ABHD2: variants seen among roughly 807,000 people sequenced by gnomAD.
ABHD2 encodes abhydrolase domain containing 2, acylglycerol lipase.
Under a neutral mutation model 48.1 loss-of-function variants are expected in ABHD2, and 20 were observed. That is an observed-to-expected ratio of 0.42 (90% CI 0.29 to 0.60). The LOEUF is 0.60. Ranked by LOEUF, ABHD2 falls within the 20% of genes least tolerant of loss-of-function variation. ABHD2 has a pLI of 0.24. For synonymous variants in ABHD2, 209 were observed against 214.2 expected, an observed-to-expected ratio of 0.98 and a Z score of 0.21; for missense variants, 405 against 550.9, an observed-to-expected ratio of 0.74 and a Z score of 2.65.
chr15:89,047,589 G>C, the ABHD2 span, among the ~76,000 whole-genome samples: 1 of 148,568 alleles, frequency 6.7e-6, no homozygotes, highest in African/African-American at 2.5e-5. Flanking sequence ...TCCTGTATTG[G>C]GTGCATATAT....
chr15:89,135,747 G>C (rs2050299329), intron 3 of ABHD2: 2 of 1,035,054 alleles, frequency 1.9e-6, no homozygotes, highest in Admixed American at 1.7e-5. Context: ...TTATAAGGCT[G>C]CCTGTCATCT....
At chr15:89,152,379 G>A (rs767379005) in intron 4 of ABHD2, among the ~76,000 whole-genome samples, 3 of 152,228 alleles carry the variant, frequency 2.0e-5, no homozygotes, top group Middle Eastern at 3.4e-3. Context: ...GCCCCCAGCC[G>A]TAGAATAGGT....
At chr15:89,050,079 A>G in the ABHD2 span, among the ~76,000 whole-genome samples, 1 of 152,222 alleles carries the variant, frequency 6.6e-6, no homozygotes, top group African/African-American at 2.4e-5. Context: ...AGAATTTCAT[A>G]GAGAAGACAA....
the ABHD2 span, among the ~76,000 whole-genome samples, chr15:89,074,708 C>G: frequency 0.13 from 20,130 of 152,190 alleles, 1,489 homozygotes; most frequent in South Asian, 0.26. Context: ...ATGAGGTTCA[C>G]CTGTCTCCAA....
chr15:89,143,122 A>G (rs2050431827), intron 3 of ABHD2, among the ~76,000 whole-genome samples: 1 of 152,186 alleles, frequency 6.6e-6, no homozygotes, highest in Admixed American at 6.5e-5. Context: ...TATTATGACC[A>G]TAGCTTCTGC....
chr15:89,192,413 G>C (rs899230184), intron 9 of ABHD2, among the ~76,000 whole-genome samples: 2 of 152,076 alleles, frequency 1.3e-5, no homozygotes, highest in East Asian at 1.9e-4. Flanking sequence ...GCTATTGGCT[G>C]TTTTAGTAAA....
rs2051180339 is a variant in ABHD2 at position 89,184,919 on chromosome 15, A to G, written c.723-505A>G. ...TGGTATAAGGCTAATCAAAAGATAG[A>G]TGTATTTGGAGGAGATCCCAGTTAA... On this transcript the variant is annotated intron_variant, in intron 6 of 10. Transcript: ENST00000352732. The surrounding 1 kb of genome is among the most constrained non-coding windows in gnomAD (Gnocchi z 5.1). Among the ~76,000 whole-genome samples, 1 of 152,180 alleles carries G rather than the reference A, an allele frequency of 6.6e-6. No individual in the cohort carries two copies. The highest frequency in any genetic ancestry group is 6.5e-5 in the Admixed American group (1 of 15,276).
At chr15:89,109,989 TATA>T (rs1233170288) in intron 1 of ABHD2, among the ~76,000 whole-genome samples, 2 of 152,384 alleles carry the variant, frequency 1.3e-5, no homozygotes, top group East Asian at 1.9e-4. Context: ...CTAGATTACT[TATA>T]ATACCTATTA....
Position 89,196,708 on chromosome 15 carries a change from G to A in ABHD2, c.*1285G>A, listed in dbSNP as rs1266508665. On this transcript the variant is annotated 3_prime_UTR_variant, in exon 11 of 11. Transcript: ENST00000352732. Reference sequence around the variant, plus strand: ...CAAACAATTCAAAAGTTGGATCTGAGTTTGGAGAAAGATATTTCCAACCTA... The same window carrying A: ...CAAACAATTCAAAAGTTGGATCTGAATTTGGAGAAAGATATTTCCAACCTA... 5.3e-5 allele frequency: 8 copies of A among 152,200 alleles called. No homozygotes were observed. Among genetic ancestry groups the A allele is most frequent in the African/African-American group, 9.7e-5 (4 of 41,404 alleles). The allele number at this position is 152,200 out of a possible 1,614,324, so 9.4% of individuals were successfully genotyped here.
chr15:89,063,030 T>G, the ABHD2 span, among the ~76,000 whole-genome samples: 2 of 149,352 alleles, frequency 1.3e-5, no homozygotes, highest in African/African-American at 4.9e-5. Flanking sequence ...TGCAGTGGCA[T>G]GATCTCAGCT....
At chr15:89,053,937 G>A in the ABHD2 span, among the ~76,000 whole-genome samples, 1 of 152,170 alleles carries the variant, frequency 6.6e-6, no homozygotes, top group African/African-American at 2.4e-5. Context: ...CACTTGCCAA[G>A]TACAGCACCT....
chr15:89,112,984 G>A (rs1428524817), intron 1 of ABHD2, among the ~76,000 whole-genome samples: 2 of 152,236 alleles, frequency 1.3e-5, no homozygotes, highest in Non-Finnish European at 2.9e-5. Flanking sequence ...AGTTTGAAGA[G>A]CAGAGCTTAG....
At chr15:89,055,192 A>T in the ABHD2 span, among the ~76,000 whole-genome samples, 2 of 152,190 alleles carry the variant, frequency 1.3e-5, no homozygotes, top group Non-Finnish European at 2.9e-5. Flanking sequence ...ATTGAAACCC[A>T]GTCCAAAAAA....
chr15:89,130,516 G>T (rs1216125260), intron 3 of ABHD2, among the ~76,000 whole-genome samples: 2 of 152,168 alleles, frequency 1.3e-5, no homozygotes, highest in African/African-American at 4.8e-5. Context: ...GTCCGGTAAA[G>T]CCCCTTCCTC....
At chr15:89,082,385 A>C in the ABHD2 span, 3 of 152,224 alleles carry the variant, frequency 2.0e-5, no homozygotes, top group South Asian at 6.2e-4. The surrounding 1 kb of genome is among the most constrained non-coding windows in gnomAD (Gnocchi z 4.4). Context: ...TGAAGGCATT[A>C]TCTGGCCTCC....
In ABHD2 at chr15:89,136,386, T is replaced by C. The variant is rs117540487; in HGVS notation, c.195-15291T>C. 1,296 of 519,302 alleles carry C rather than the reference T, an allele frequency of 2.5e-3. 17 individuals carry two copies. Among genetic ancestry groups the C allele is most frequent in the East Asian group, 0.014 (283 of 19,542 alleles). 32.2% of individuals were successfully genotyped at this position (519,302 alleles called of 1,614,324 possible). On this transcript the variant is annotated intron_variant, in intron 3 of 10. Coordinates refer to ENST00000352732, the MANE Select transcript of ABHD2 (RefSeq NM_152924.5). ...GCACTTCTTAGAAAACTCTGAGGAG[T>C]TGACTGAAGCATCTGGATGTTTGTT...
At chr15:89,141,933 G>A (rs769946696) in intron 3 of ABHD2, among the ~76,000 whole-genome samples, 11 of 152,210 alleles carry the variant, frequency 7.2e-5, no homozygotes, top group Non-Finnish European at 1.2e-4. Flanking sequence ...GGTAGAGGTT[G>A]GCTGTTGACG....
chr15:89,201,361 A>G lies in ABHD2; in HGVS notation c.*5938A>G. The G allele has an allele frequency of 9.6e-7, 1 of 1,038,956 alleles. No individual in the cohort carries two copies. Among genetic ancestry groups the G allele is most frequent in the South Asian group, 1.3e-5 (1 of 75,662 alleles). 64.4% of individuals were successfully genotyped at this position (1,038,956 alleles called of 1,614,324 possible). On this transcript the variant is annotated 3_prime_UTR_variant, in exon 11 of 11. Transcript: ENST00000352732. The stretch of plus-strand genomic sequence containing the variant: ...GTTGTGGCGTGGGCCCGTCTTGCTT[A>G]GATGCATTCAGTGGGACAGCTTTGC...
At position 89,175,726 on chromosome 15, in the gene ABHD2, C is replaced by T. The variant is rs184017689; in HGVS notation, c.539-86C>T. On this transcript the variant is annotated intron_variant, in intron 5 of 10. Transcript: ENST00000352732. The surrounding 1 kb of genome is among the most constrained non-coding windows in gnomAD (Gnocchi z 5.7). ...ATTTCTCTCTCTTTTAGTATACTGG[C>T]ACCCATTTAGTAACGTTCCAGCTTG... The T allele has an allele frequency of 1.6e-3, 2,291 of 1,398,316 alleles. 51 individuals are homozygous for T. The Admixed American group carries it at 0.039, about 24-fold the overall frequency. The allele number at this position is 1,398,316 out of a possible 1,614,324, so 86.6% of individuals were successfully genotyped here.
Sources: allele counts gnomAD v4.1 joint callset (sites outside exome capture counted in the v4.1 genomes callset), GRCh38; gene constraint gnomAD v4.1.1; non-coding constraint Gnocchi (gnomAD v3.1); transcripts MANE v1.5; gene names NCBI Gene and HGNC (gene_info 2026-07-23, HGNC 2026-07-21).